The following NNT variants were observed in gnomAD, a reference collection of about 807,000 sequenced individuals.
NNT encodes NAD(P) transhydrogenase, mitochondrial.
In NNT, 50 loss-of-function variants were observed where a neutral mutation model predicts 104.8. The observed-to-expected ratio is 0.48, with a 90% confidence interval of 0.38 to 0.60. The LOEUF (loss-of-function observed/expected upper bound fraction) is 0.60. NNT is among the 20% of genes least tolerant of loss of function. NNT has a pLI of 0.00. For missense variants in NNT, 1,131 were observed against 1,330.7 expected (o/e 0.85, Z 2.33); for synonymous variants, 461 against 490.4 (o/e 0.94, Z 0.79).
intron 21 of NNT, among the ~76,000 whole-genome samples, chr5:43,703,848 A>G (rs1040806309): frequency 6.6e-6 from 1 of 152,150 alleles, no homozygotes; most frequent in East Asian, 1.9e-4. Context: ...TTCCCACTCA[A>G]CCTCATCTGT....
intron 6 of NNT, among the ~76,000 whole-genome samples, chr5:43,627,303 G>A (rs569318758): frequency 1.4e-4 from 21 of 152,322 alleles, no homozygotes; most frequent in Non-Finnish European, 2.6e-4. Flanking sequence ...CATGATGGTT[G>A]CTAGGGATTT....
rs772251708 is a variant in NNT, at chr5:43,615,885, A to C, written c.419A>C (p.His140Pro). 96 of 1,614,062 alleles carry C rather than the reference A, an allele frequency of 5.9e-5. No homozygotes were observed. Among genetic ancestry groups the C allele is most frequent in the Non-Finnish European group, 8.1e-5 (96 of 1,180,032 alleles). The stretch of plus-strand genomic sequence containing the variant: ...ATGGTTAATCCAACATTAGGTGTTC[A>C]TGAAGCTGACCTTTTAAAGACATCA... ...APMVNPTLGV[H>P]EADLLKTSGT... Residue 140 changes from histidine (H) to proline (P), a missense_variant, in exon 4 of 22, where the codon CAT (histidine) becomes CCT (proline). Coordinates refer to ENST00000344920, the MANE Select transcript of NNT (RefSeq NM_182977.3).
chr5:43,632,492 G>A (rs963933381), intron 7 of NNT, among the ~76,000 whole-genome samples: 6 of 152,148 alleles, frequency 3.9e-5, no homozygotes, highest in Non-Finnish European at 7.4e-5. Context: ...TTGTACTTAC[G>A]TAGATTGTAT....
At chr5:43,626,367 C>T (rs915537051) in intron 6 of NNT, among the ~76,000 whole-genome samples, 5 of 152,004 alleles carry the variant, frequency 3.3e-5, no homozygotes, top group Non-Finnish European at 7.4e-5. Flanking sequence ...CTTGATCATC[C>T]GTGGATTTTG....
At chr5:43,622,535 T>A (rs1750152239) in intron 5 of NNT, among the ~76,000 whole-genome samples, 1 of 152,230 alleles carries the variant, frequency 6.6e-6, no homozygotes, top group African/African-American at 2.4e-5. Context: ...CCCAAAGCGC[T>A]GGGATCACAG....
Position 43,619,068 on chromosome 5 carries a change from A to G in NNT, c.636A>G (p.Gly212=). The G allele has an allele frequency of 6.4e-7, 1 of 1,553,040 alleles. No homozygotes were observed. The highest frequency in any genetic ancestry group is 1.3e-5 in the South Asian group (1 of 77,184). Residue 212 remains glycine, a synonymous_variant, in exon 5 of 22, where the codon GGA becomes GGG. Transcript: ENST00000344920. Reference sequence around the variant, plus strand: ...TTGTCCTAGCAGCAAATCATTTTGGACGTTTTTTTACTGGTCAGATCACAG... The same window carrying G: ...TTGTCCTAGCAGCAAATCATTTTGGGCGTTTTTTTACTGGTCAGATCACAG... ...KAVVLAANHF[G]RFFTGQITAA...
intron 7 of NNT, among the ~76,000 whole-genome samples, chr5:43,639,089 A>G (rs1751086744): frequency 6.6e-6 from 1 of 152,098 alleles, no homozygotes; most frequent in African/African-American, 2.4e-5. Flanking sequence ...GAAGCCAATG[A>G]TATATTCTTT....
chr5:43,606,661 C>T lies in NNT; in HGVS notation c.-53-2482C>T, dbSNP rs140808488. On this transcript the variant is annotated intron_variant, in intron 1 of 21. Transcript: ENST00000344920. ...TTCATTTGATTCTCTTCATCTCAAACGGCTTTCCCTTCCTTTTCTGAGCTC... is the reference window on the plus strand; with the variant it reads ...TTCATTTGATTCTCTTCATCTCAAATGGCTTTCCCTTCCTTTTCTGAGCTC... 4.0e-3 allele frequency among the ~76,000 whole-genome samples: 616 copies of T among 152,320 alleles called. 6 individuals carry two copies. The highest frequency in any genetic ancestry group is 8.9e-3 in the South Asian group (43 of 4,828).
chr5:43,675,287 A>C (rs929492168), intron 17 of NNT, among the ~76,000 whole-genome samples: 1 of 152,154 alleles, frequency 6.6e-6, no homozygotes, highest in African/African-American at 2.4e-5. Flanking sequence ...ATCAGTGTGC[A>C]ATTGATTTGA....
chr5:43,703,718 A>T (rs1158761206), intron 21 of NNT, among the ~76,000 whole-genome samples: 3 of 152,106 alleles, frequency 2.0e-5, no homozygotes, highest in African/African-American at 7.2e-5. Flanking sequence ...TTCCATTTTG[A>T]TTTATAGGAA....
intron 16 of NNT, among the ~76,000 whole-genome samples, chr5:43,657,723 C>T (rs1740133088): frequency 6.6e-6 from 1 of 152,150 alleles, no homozygotes; most frequent in African/African-American, 2.4e-5. Flanking sequence ...TATTCACACT[C>T]ATGGTCTAAT....
chr5:43,662,540 A>C (rs1740424906), intron 17 of NNT, among the ~76,000 whole-genome samples: 1 of 152,090 alleles, frequency 6.6e-6, no homozygotes, highest in African/African-American at 2.4e-5. Context: ...TGAGACCATA[A>C]ATATCATATT....
intron 17 of NNT, among the ~76,000 whole-genome samples, chr5:43,675,292 A>T (rs1741351393): frequency 6.6e-6 from 1 of 152,130 alleles, no homozygotes; most frequent in Non-Finnish European, 1.5e-5. Flanking sequence ...TGTGCAATTG[A>T]TTTGATAGGG....
intron 7 of NNT, among the ~76,000 whole-genome samples, chr5:43,637,070 C>T (rs1488168958): frequency 6.6e-6 from 1 of 152,132 alleles, no homozygotes; most frequent in East Asian, 1.9e-4. Context: ...AATAATTATG[C>T]AGACAAAGTT....
intron 7 of NNT, among the ~76,000 whole-genome samples, chr5:43,635,864 A>C (rs1750904735): frequency 6.6e-6 from 1 of 152,108 alleles, no homozygotes; most frequent in Non-Finnish European, 1.5e-5. Context: ...ATACAGCCAT[A>C]TTCTGAGGTA....
chr5:43,642,271 C>G (rs1412463135), intron 7 of NNT, among the ~76,000 whole-genome samples: 1 of 152,148 alleles, frequency 6.6e-6, no homozygotes, highest in East Asian at 1.9e-4. Flanking sequence ...AAATGCGCCC[C>G]TCTATGTTGA....
At chr5:43,612,560 C>A (rs1363831206) in intron 2 of NNT, among the ~76,000 whole-genome samples, 3 of 152,148 alleles carry the variant, frequency 2.0e-5, no homozygotes, top group African/African-American at 7.2e-5. Context: ...AGACCATAAC[C>A]TTGCCCTTAG....
rs372798577 is a variant in NNT, at chr5:43,609,267, G to A, written c.72G>A (p.Lys24=). The A allele has an allele frequency of 1.2e-6, 2 of 1,613,884 alleles. No individual in the cohort carries two copies. The highest frequency in any genetic ancestry group is 1.7e-6 in the Non-Finnish European group (2 of 1,179,912). The part of the protein sequence containing the change: ...CPLLSNLGSC[K]GLRVKKDFLR... ...TACTTAGCAATTTGGGGTCCTGTAAGGGTCTACGTGTGAAGAAGGATTTTT... is the reference window on the plus strand; with the variant it reads ...TACTTAGCAATTTGGGGTCCTGTAAAGGTCTACGTGTGAAGAAGGATTTTT... Residue 24 remains lysine (K), a synonymous_variant, in exon 2 of 22, where the codon AAG becomes AAA. Transcript: ENST00000344920.
intron 17 of NNT, among the ~76,000 whole-genome samples, chr5:43,665,440 A>G: frequency 6.6e-6 from 1 of 151,984 alleles, no homozygotes; most frequent in East Asian, 1.9e-4. Context: ...ATGACTCTTA[A>G]CGAGCATGCT....
Sources: gnomAD v4.1 joint callset for allele counts (sites outside exome capture counted in the v4.1 genomes callset) on GRCh38, gnomAD v4.1.1 for gene constraint, MANE v1.5 for transcripts, NCBI Gene and HGNC (gene_info 2026-07-23, HGNC 2026-07-21) for gene names.